GPHN: variants seen among roughly 807,000 people sequenced by gnomAD.
The protein encoded by GPHN is gephyrin.
In GPHN, 17 loss-of-function variants were observed where a neutral mutation model predicts 95.5. That is an observed-to-expected ratio of 0.18 (90% CI 0.12 to 0.27). The LOEUF (loss-of-function observed/expected upper bound fraction) is 0.27. Among genes scored for constraint, GPHN ranks in the 10% least tolerant of loss-of-function variants. The probability of loss-of-function intolerance (pLI) is 1.00; values close to 1 mark genes in which losing one functional copy is unlikely to be tolerated. For synonymous variants in GPHN, 320 were observed against 322.5 expected (o/e 0.99, Z 0.08); for missense variants, 660 against 978.1 (o/e 0.67, Z 4.34).
At chr14:67,604,973 T>C in the GPHN span, among the ~76,000 whole-genome samples, 1 of 152,214 alleles carries the variant, frequency 6.6e-6, no homozygotes, top group Non-Finnish European at 1.5e-5. Flanking sequence ...CTATTTTGTC[T>C]TCCCTTGTGC....
chr14:67,729,566 G>T, the GPHN span: 7 of 664,834 alleles, frequency 1.1e-5, no homozygotes, highest in African/African-American at 1.3e-4. Context: ...GTGTTGGGAA[G>T]AGTTGCTTTT....
chr14:66,702,341 G>T (rs931743449), intron 2 of GPHN, among the ~76,000 whole-genome samples: 1 of 152,120 alleles, frequency 6.6e-6, no homozygotes, highest in Non-Finnish European at 1.5e-5. Flanking sequence ...CACCCAACTG[G>T]GTGAGACCCT....
intron 1 of GPHN, among the ~76,000 whole-genome samples, chr14:66,536,243 G>A (rs1162029130): frequency 2.6e-5 from 4 of 152,070 alleles, no homozygotes; most frequent in African/African-American, 7.2e-5. Flanking sequence ...GAGCCACTGC[G>A]CCCAGTCTGA....
intron 5 of GPHN, among the ~76,000 whole-genome samples, chr14:66,882,138 T>C (rs916970148): frequency 7.2e-5 from 11 of 151,848 alleles, no homozygotes; most frequent in Admixed American, 4.6e-4. Flanking sequence ...TGTCATAGTA[T>C]ATTGTAATTA....
chr14:67,383,545 A>AT, the GPHN span: 2 of 1,473,768 alleles, frequency 1.4e-6, no homozygotes, highest in South Asian at 2.4e-5. Context: ...AAAGCTGAAT[A>AT]TTTTTTATTT....
intron 2 of GPHN, among the ~76,000 whole-genome samples, chr14:66,713,559 G>C (rs917620237): frequency 6.6e-6 from 1 of 152,086 alleles, no homozygotes; most frequent in Non-Finnish European, 1.5e-5. Context: ...TTCAAATCAG[G>C]TAGTGTGATG....
chr14:66,648,006 G>A (rs1210258085), intron 1 of GPHN, among the ~76,000 whole-genome samples: 1 of 152,144 alleles, frequency 6.6e-6, no homozygotes, highest in East Asian at 1.9e-4. Context: ...GTCACAGTTG[G>A]ATATTATGTA....
intron 2 of GPHN, among the ~76,000 whole-genome samples, chr14:66,772,933 A>G (rs1218381847): frequency 1.3e-5 from 2 of 152,216 alleles, no homozygotes; most frequent in African/African-American, 4.8e-5. Flanking sequence ...GATTTAATAT[A>G]TGAGCACTTT....
intron 3 of GPHN, among the ~76,000 whole-genome samples, chr14:66,785,601 A>G (rs1051431611): frequency 6.6e-6 from 1 of 151,736 alleles, no homozygotes; most frequent in South Asian, 2.1e-4. Flanking sequence ...TCAAGCACAC[A>G]TGAAACATTT....
the GPHN span, chr14:67,384,996 T>C: frequency 6.6e-6 from 1 of 152,372 alleles, no homozygotes; most frequent in South Asian, 2.1e-4. Flanking sequence ...TTTTGTTTAC[T>C]GAAATTTGTT....
the GPHN span, among the ~76,000 whole-genome samples, chr14:67,492,139 A>G: frequency 2.7e-5 from 4 of 149,634 alleles, no homozygotes; most frequent in South Asian, 8.5e-4. Context: ...AAAGTCCCCC[A>G]CTGAGCAAAC....
At chr14:67,724,529 T>C in the GPHN span, 4 of 1,613,866 alleles carry the variant, frequency 2.5e-6, no homozygotes, top group Non-Finnish European at 3.4e-6. Context: ...GGCAAGGTAG[T>C]GGTGATCACT....
the GPHN span, among the ~76,000 whole-genome samples, chr14:67,442,090 C>G: frequency 1.3e-5 from 2 of 151,846 alleles, no homozygotes; most frequent in African/African-American, 4.8e-5. Flanking sequence ...ACAAATGAAT[C>G]AAGTTTGGAT....
intron 2 of GPHN, among the ~76,000 whole-genome samples, chr14:66,718,564 C>T (rs1461399543): frequency 2.6e-5 from 4 of 152,144 alleles, no homozygotes; most frequent in Admixed American, 6.5e-5. Flanking sequence ...AGCTTTTATT[C>T]CCTTAGTTGG....
chr14:67,277,654 C>T, the GPHN span, among the ~76,000 whole-genome samples: 14 of 151,666 alleles, frequency 9.2e-5, no homozygotes, highest in African/African-American at 3.4e-4. Flanking sequence ...ATGTAAACAA[C>T]CTGCCTATGT....
At chr14:67,157,560 A>C (rs1169893190) in intron 18 of GPHN, among the ~76,000 whole-genome samples, 1 of 152,204 alleles carries the variant, frequency 6.6e-6, no homozygotes, top group Non-Finnish European at 1.5e-5. Context: ...GCGGTTGTTC[A>C]CACCTGTAAT....
the GPHN span, among the ~76,000 whole-genome samples, chr14:67,408,124 T>C: frequency 1.4e-4 from 22 of 151,784 alleles, no homozygotes; most frequent in Non-Finnish European, 4.4e-5. Flanking sequence ...ACGTCTCTAC[T>C]AAAAATACAA....
the GPHN span, chr14:67,581,080 G>C: frequency 8.1e-7 from 1 of 1,229,060 alleles, no homozygotes; most frequent in Non-Finnish European, 1.2e-6. Flanking sequence ...CACAAGGGCT[G>C]CCACTGGGTG....
chr14:67,579,127 T>C, the GPHN span: 5 of 1,604,026 alleles, frequency 3.1e-6, no homozygotes, highest in Non-Finnish European at 4.3e-6. Context: ...CTCTTCCGTC[T>C]TTTTAGAAGT....
Sources: gnomAD v4.1 joint callset for allele counts (sites outside exome capture counted in the v4.1 genomes callset) on GRCh38, gnomAD v4.1.1 for gene constraint, MANE v1.5 for transcripts, NCBI Gene and HGNC (gene_info 2026-07-23, HGNC 2026-07-21) for gene names.